The following ARB2A variants were observed in gnomAD, a reference collection of about 807,000 sequenced individuals.
The protein encoded by ARB2A is ARB2 cotranscriptional regulator A.
At chr5:93,886,632 C>A in the ARB2A span, among the ~76,000 whole-genome samples, 1 of 151,554 alleles carries the variant, frequency 6.6e-6, no homozygotes, top group Non-Finnish European at 1.5e-5. Flanking sequence ...GAGGTCATGA[C>A]AACCAATCAG....
the ARB2A span, among the ~76,000 whole-genome samples, chr5:93,843,131 C>A: frequency 6.6e-6 from 1 of 152,072 alleles, no homozygotes; most frequent in Non-Finnish European, 1.5e-5. Context: ...GGGGAAAGTT[C>A]CCAACAAATA....
At chr5:93,753,294 T>C in the ARB2A span, among the ~76,000 whole-genome samples, 1 of 152,234 alleles carries the variant, frequency 6.6e-6, no homozygotes, top group South Asian at 2.1e-4. Flanking sequence ...AGAAGAGATA[T>C]AACTCCTTAA....
At chr5:93,668,828 C>T in the ARB2A span, among the ~76,000 whole-genome samples, 1 of 152,122 alleles carries the variant, frequency 6.6e-6, no homozygotes, top group African/African-American at 2.4e-5. Context: ...TATTGATCAT[C>T]AGACCATGAA....
the ARB2A span, among the ~76,000 whole-genome samples, chr5:93,890,114 T>C: frequency 6.6e-6 from 1 of 151,936 alleles, no homozygotes; most frequent in Non-Finnish European, 1.5e-5. Flanking sequence ...GTTCAAAATG[T>C]TTCATGCCTC....
chr5:93,975,293 G>C, the ARB2A span, among the ~76,000 whole-genome samples: 2 of 145,994 alleles, frequency 1.4e-5, no homozygotes. Flanking sequence ...CTCCAGCCTG[G>C]GACACAGAGC....
At chr5:93,646,070 A>G in the ARB2A span, among the ~76,000 whole-genome samples, 1 of 152,180 alleles carries the variant, frequency 6.6e-6, no homozygotes, top group Admixed American at 6.5e-5. Flanking sequence ...CTATAATTGA[A>G]TCTTATGAAA....
At chr5:93,699,537 T>A in the ARB2A span, among the ~76,000 whole-genome samples, 1 of 152,026 alleles carries the variant, frequency 6.6e-6, no homozygotes, top group Admixed American at 6.6e-5. Flanking sequence ...TTTTTGACAG[T>A]TTCGATAAGT....
the ARB2A span, among the ~76,000 whole-genome samples, chr5:93,680,043 T>C: frequency 2.6e-5 from 4 of 152,238 alleles, no homozygotes; most frequent in Non-Finnish European, 4.4e-5. Context: ...TAAAGACTTA[T>C]GATCTTCTGA....
the ARB2A span, among the ~76,000 whole-genome samples, chr5:93,664,553 C>T: frequency 2.0e-5 from 3 of 151,344 alleles, no homozygotes; most frequent in Admixed American, 6.6e-5. Flanking sequence ...ATGACATGAA[C>T]CCGGGAGGTG....
At chr5:93,622,615 TTCTC>T in the ARB2A span, among the ~76,000 whole-genome samples, 1 of 152,342 alleles carries the variant, frequency 6.6e-6, no homozygotes, top group African/African-American at 2.4e-5. Flanking sequence ...CTCCCAAGGA[TTCTC>T]TCTATCCTCC....
chr5:93,894,198 A>T, the ARB2A span, among the ~76,000 whole-genome samples: 1 of 152,158 alleles, frequency 6.6e-6, no homozygotes, highest in Non-Finnish European at 1.5e-5. Context: ...ATGTCTGTTT[A>T]AATGTCATTA....
the ARB2A span, among the ~76,000 whole-genome samples, chr5:93,927,547 G>A: frequency 6.6e-6 from 1 of 152,110 alleles, no homozygotes; most frequent in Non-Finnish European, 1.5e-5. Context: ...GCTCTCTGTG[G>A]AGATGCATCA....
At chr5:93,933,963 GC>G in the ARB2A span, among the ~76,000 whole-genome samples, 1 of 151,936 alleles carries the variant, frequency 6.6e-6, no homozygotes, top group Non-Finnish European at 1.5e-5. Flanking sequence ...CCGAGATCAC[GC>G]CACTGCATTA....
chr5:93,632,394 G>C, the ARB2A span, among the ~76,000 whole-genome samples: 2 of 152,312 alleles, frequency 1.3e-5, no homozygotes, highest in Admixed American at 1.3e-4. Flanking sequence ...GAAAGAAGTT[G>C]TCATCGTTGA....
At chr5:94,050,306 G>A in the ARB2A span, among the ~76,000 whole-genome samples, 2 of 148,814 alleles carry the variant, frequency 1.3e-5, no homozygotes, top group African/African-American at 5.0e-5. Context: ...CCAGGCTGGA[G>A]TGCAATGGTG....
At chr5:93,967,327 G>A in the ARB2A span, among the ~76,000 whole-genome samples, 1 of 152,074 alleles carries the variant, frequency 6.6e-6, no homozygotes, top group Non-Finnish European at 1.5e-5. Flanking sequence ...TGTATATAGA[G>A]CTTGGAAGTA....
At chr5:94,002,902 C>A in the ARB2A span, among the ~76,000 whole-genome samples, 1 of 151,892 alleles carries the variant, frequency 6.6e-6, no homozygotes, top group Non-Finnish European at 1.5e-5. Context: ...GATAAGGCAT[C>A]CCCAATTATA....
chr5:94,025,166 A>C, the ARB2A span, among the ~76,000 whole-genome samples: 1 of 152,216 alleles, frequency 6.6e-6, no homozygotes, highest in South Asian at 2.1e-4. Context: ...TAAGTTTCTT[A>C]AGTCATCTTG....
the ARB2A span, among the ~76,000 whole-genome samples, chr5:93,917,948 C>A: frequency 6.6e-6 from 1 of 152,098 alleles, no homozygotes; most frequent in East Asian, 1.9e-4. Context: ...CCTGTACCAG[C>A]CCCAAAATGT....
Sources: gnomAD v4.1 joint callset for allele counts (sites outside exome capture counted in the v4.1 genomes callset) on GRCh38, gnomAD v4.1.1 for gene constraint, MANE v1.5 for transcripts, NCBI Gene and HGNC (gene_info 2026-07-23, HGNC 2026-07-21) for gene names.